The following ESRRG variants were observed in gnomAD, a reference collection of about 807,000 sequenced individuals.
ESRRG encodes estrogen related receptor gamma.
In ESRRG, 13 loss-of-function variants were observed where a neutral mutation model predicts 44.0. That is an observed-to-expected ratio of 0.30 (90% CI 0.19 to 0.47). ESRRG has a LOEUF of 0.47. Among genes scored for constraint, ESRRG ranks in the 20% least tolerant of loss-of-function variants. The pLI is 1.00. For missense variants in ESRRG, 395 were observed against 580.6 expected (o/e 0.68, Z 3.29); for synonymous variants, 215 against 214.6 (o/e 1.00, Z -0.02).
intron 2 of ESRRG, among the ~76,000 whole-genome samples, chr1:216,738,839 T>C (rs1422997591): frequency 6.6e-6 from 1 of 152,184 alleles, no homozygotes; most frequent in Non-Finnish European, 1.5e-5. Context: ...AAATTTTATT[T>C]GTTATTTATT....
At chr1:217,016,539 A>G (rs1332272955) in intron 1 of ESRRG, among the ~76,000 whole-genome samples, 1 of 152,056 alleles carries the variant, frequency 6.6e-6, no homozygotes. Flanking sequence ...AACTTCTACT[A>G]CCAGTTATCA....
chr1:216,671,147 C>T (rs1190487096), intron 2 of ESRRG, among the ~76,000 whole-genome samples: 1 of 152,130 alleles, frequency 6.6e-6, no homozygotes, highest in Non-Finnish European at 1.5e-5. Flanking sequence ...ACTTCAGTGC[C>T]TAAATTTCAC....
intron 2 of ESRRG, among the ~76,000 whole-genome samples, chr1:216,740,475 A>C (rs1483360331): frequency 2.0e-5 from 3 of 152,252 alleles, no homozygotes; most frequent in African/African-American, 7.2e-5. Context: ...AGAAGAGGAG[A>C]GCACAACACA....
chr1:216,944,196 C>T (rs2065718762), intron 1 of ESRRG, among the ~76,000 whole-genome samples: 1 of 152,128 alleles, frequency 6.6e-6, no homozygotes, highest in African/African-American at 2.4e-5. Context: ...ATTTAGTCTT[C>T]ACAAATTCAA....
At chr1:216,963,382 C>A (rs1296560863) in intron 1 of ESRRG, among the ~76,000 whole-genome samples, 1 of 152,096 alleles carries the variant, frequency 6.6e-6, no homozygotes, top group Admixed American at 6.6e-5. Flanking sequence ...GAGTATGTGA[C>A]ACTTTTTGGT....
At chr1:216,595,958 A>T (rs2058369963) in intron 3 of ESRRG, among the ~76,000 whole-genome samples, 1 of 152,222 alleles carries the variant, frequency 6.6e-6, no homozygotes, top group African/African-American at 2.4e-5. Flanking sequence ...CATATGCATG[A>T]TTTTGATGCA....
At chr1:216,963,723 C>T (rs1423234300) in intron 1 of ESRRG, among the ~76,000 whole-genome samples, 1 of 152,152 alleles carries the variant, frequency 6.6e-6, no homozygotes, top group East Asian at 1.9e-4. Flanking sequence ...TCTCTGATGC[C>T]TTCCATAAGG....
At chr1:216,991,227 A>C (rs965147583) in intron 1 of ESRRG, among the ~76,000 whole-genome samples, 5 of 152,054 alleles carry the variant, frequency 3.3e-5, no homozygotes, top group Non-Finnish European at 7.4e-5. Context: ...TCTTCCACAA[A>C]ACCTGTTTCC....
chr1:216,622,966 C>T (rs960970799), intron 3 of ESRRG, among the ~76,000 whole-genome samples: 5 of 151,298 alleles, frequency 3.3e-5, no homozygotes, highest in Non-Finnish European at 7.4e-5. Flanking sequence ...AAGATATCAT[C>T]ATGTTTAAAA....
chr1:216,655,282 G>C (rs1399008999), intron 2 of ESRRG, among the ~76,000 whole-genome samples: 3 of 152,104 alleles, frequency 2.0e-5, no homozygotes, highest in Non-Finnish European at 4.4e-5. Context: ...TGATATTAAA[G>C]AGTCCACTGA....
At chr1:216,615,736 C>CTTTTT (rs60874199) in intron 3 of ESRRG, among the ~76,000 whole-genome samples, 3 of 137,262 alleles carry the variant, frequency 2.2e-5, no homozygotes, top group Admixed American at 7.3e-5. Flanking sequence ...ATTTCTCTCT[C>CTTTTT]TTTTTTTTTT....
At chr1:216,580,304 C>A (rs2149798894) in intron 3 of ESRRG, among the ~76,000 whole-genome samples, 1 of 151,962 alleles carries the variant, frequency 6.6e-6, no homozygotes, top group South Asian at 2.1e-4. Context: ...TTCAGTAATT[C>A]TTGTTTGGCG....
At chr1:216,931,451 G>T (rs2063328882) in intron 2 of ESRRG, among the ~76,000 whole-genome samples, 1 of 152,088 alleles carries the variant, frequency 6.6e-6, no homozygotes, top group African/African-American at 2.4e-5. Flanking sequence ...CTGGAAAATG[G>T]ACTCTGTCTT....
At chr1:216,510,892 CATT>C (rs1347277972) in intron 6 of ESRRG, among the ~76,000 whole-genome samples, 2 of 151,958 alleles carry the variant, frequency 1.3e-5, no homozygotes, top group African/African-American at 2.4e-5. Context: ...AAGAAGAAAA[CATT>C]AATCATTGTG....
chr1:217,128,736 C>A (rs1351697500), intron 1 of ESRRG, among the ~76,000 whole-genome samples: 3 of 152,210 alleles, frequency 2.0e-5, no homozygotes, highest in Non-Finnish European at 4.4e-5. Flanking sequence ...AATAACTTTA[C>A]ATACTCCCTG....
At chr1:217,080,671 G>GTTTTTTTTTTTTTTTTTT (rs34598045) in intron 1 of ESRRG, among the ~76,000 whole-genome samples, 1 of 65,244 alleles carries the variant, frequency 1.5e-5, no homozygotes, top group African/African-American at 6.2e-5. Flanking sequence ...TGTTTTTTTG[G>GTTTTTTTTTTTTTTTTTT]TTTTTTTTTT....
At chr1:216,958,973 T>C (rs1270241643) in intron 1 of ESRRG, among the ~76,000 whole-genome samples, 1 of 152,268 alleles carries the variant, frequency 6.6e-6, no homozygotes, top group South Asian at 2.1e-4. Flanking sequence ...CTTTATCCAG[T>C]TTTATTTTTC....
At chr1:216,635,701 C>T (rs371487398) in intron 3 of ESRRG, among the ~76,000 whole-genome samples, 12 of 152,206 alleles carry the variant, frequency 7.9e-5, no homozygotes, top group African/African-American at 2.9e-4. Context: ...TGCCTGTCAC[C>T]TTCAGCTCTC....
chr1:216,957,168 C>T (rs919247620), intron 1 of ESRRG, among the ~76,000 whole-genome samples: 2 of 152,102 alleles, frequency 1.3e-5, no homozygotes, highest in African/African-American at 4.8e-5. Context: ...TATCTACTCT[C>T]TGTTGATTGT....
Sources: allele counts gnomAD v4.1 joint callset (sites outside exome capture counted in the v4.1 genomes callset), GRCh38; gene constraint gnomAD v4.1.1; transcripts MANE v1.5; gene names NCBI Gene and HGNC (gene_info 2026-07-23, HGNC 2026-07-21).